GRIK2: variants seen among roughly 807,000 people sequenced by gnomAD.
GRIK2 encodes glutamate ionotropic receptor kainate type subunit 2.
A neutral mutation model predicts 100.3 loss-of-function variants in GRIK2; 32 were observed. The ratio of observed to expected loss-of-function variants is 0.32; its 90% confidence interval spans 0.24 to 0.43. GRIK2 has a LOEUF of 0.43. GRIK2 is among the 20% of genes least tolerant of loss of function. GRIK2 has a pLI of 1.00. For synonymous variants in GRIK2, 417 were observed against 389.4 expected, an observed-to-expected ratio of 1.07 and a Z score of -0.83; for missense variants, 843 against 1,114.9, an observed-to-expected ratio of 0.76 and a Z score of 3.47.
At position 101,462,755 on chromosome 6, in the gene GRIK2, T is replaced by G. The variant is rs530386528; in HGVS notation, c.115+63363T>G. On this transcript the variant is annotated intron_variant, in intron 2 of 16. Coordinates refer to ENST00000369134, the MANE Select transcript of GRIK2 (RefSeq NM_021956.5). The stretch of plus-strand genomic sequence containing the variant: ...AAGCAGGGCTGCTGTCCAAGGGAAC[T>G]GGTAACATTCAGCCCTGATTGCTCA... Among the ~76,000 whole-genome samples the G allele has an allele frequency of 1.7e-4, 26 of 152,244 alleles. No individual in the cohort carries two copies. In the South Asian group the frequency reaches 5.2e-3, roughly 30 times the overall value.
intron 2 of GRIK2, among the ~76,000 whole-genome samples, chr6:101,451,144 T>G (rs999139613): frequency 6.6e-6 from 1 of 151,758 alleles, no homozygotes; most frequent in Non-Finnish European, 1.5e-5. Flanking sequence ...AAACTCCTTA[T>G]CCTGCGGAAA....
intron 16 of GRIK2, among the ~76,000 whole-genome samples, chr6:102,067,138 A>G (rs999791660): frequency 1.3e-5 from 2 of 151,718 alleles, no homozygotes; most frequent in Non-Finnish European, 2.9e-5. Context: ...TTAAGTTAAC[A>G]TATAAAATTG....
chr6:101,692,846 C>T (rs894659476), intron 7 of GRIK2, among the ~76,000 whole-genome samples: 6 of 152,018 alleles, frequency 3.9e-5, no homozygotes, highest in South Asian at 2.1e-4. Context: ...GGCAGAAATA[C>T]TTGTATATTT....
At chr6:101,494,864 G>T (rs910833029) in intron 2 of GRIK2, among the ~76,000 whole-genome samples, 2 of 151,160 alleles carry the variant, frequency 1.3e-5, no homozygotes, top group African/African-American at 2.4e-5. Flanking sequence ...AGACTGGGAG[G>T]TGGAGGTTGT....
chr6:102,010,914 A>C (rs934470574), intron 14 of GRIK2, among the ~76,000 whole-genome samples: 3 of 151,860 alleles, frequency 2.0e-5, no homozygotes, highest in African/African-American at 7.3e-5. Context: ...GGTGTACCTC[A>C]GTTTATTTAT....
intron 2 of GRIK2, among the ~76,000 whole-genome samples, chr6:101,592,590 T>C (rs1244856646): frequency 5.3e-5 from 1 of 18,886 alleles, no homozygotes; most frequent in Admixed American, 3.1e-4. Flanking sequence ...TAATATCACA[T>C]ATATATATAT....
At chr6:101,729,917 T>C (rs774475982) in intron 7 of GRIK2, among the ~76,000 whole-genome samples, 3 of 151,970 alleles carry the variant, frequency 2.0e-5, no homozygotes, top group Non-Finnish European at 4.4e-5. Flanking sequence ...ATATCATAAT[T>C]CTACTAAACA....
chr6:101,791,150 A>G (rs1562388701), intron 7 of GRIK2, among the ~76,000 whole-genome samples: 1 of 152,090 alleles, frequency 6.6e-6, no homozygotes, highest in Admixed American at 6.5e-5. Flanking sequence ...GATCCTTTCA[A>G]AAAACCAGCT....
intron 2 of GRIK2, among the ~76,000 whole-genome samples, chr6:101,553,708 G>A (rs1001781739): frequency 2.0e-5 from 3 of 152,148 alleles, no homozygotes; most frequent in African/African-American, 7.2e-5. Flanking sequence ...GTTATGAAAG[G>A]CAGTGGGGCA....
intron 7 of GRIK2, among the ~76,000 whole-genome samples, chr6:101,716,798 AG>A (rs1774106287): frequency 6.6e-6 from 1 of 151,822 alleles, no homozygotes; most frequent in Non-Finnish European, 1.5e-5. Context: ...CCACAACAAA[AG>A]GTTTAAAGTA....
At position 101,642,568 on chromosome 6, in the gene GRIK2, G is replaced by A. The variant is rs184678068; in HGVS notation, c.541+15931G>A. The stretch of plus-strand genomic sequence containing the variant: ...CGATGTTGCTGTGTTGTAAAGTGTC[G>A]AAATTTTCTTTGTTTTTAAGGCTCA... On this transcript the variant is annotated intron_variant, in intron 4 of 16. Transcript: ENST00000369134. 4.1e-3 allele frequency among the ~76,000 whole-genome samples: 620 copies of A among 151,734 alleles called. 6 individuals are homozygous for A. The highest frequency in any genetic ancestry group is 4.8e-3 in the Non-Finnish European group (323 of 67,684).
chr6:101,404,183 T>C (rs1171035058), intron 2 of GRIK2, among the ~76,000 whole-genome samples: 3 of 152,224 alleles, frequency 2.0e-5, no homozygotes, highest in Non-Finnish European at 4.4e-5. Context: ...CAAGTGATCA[T>C]TACGATGTGT....
At chr6:101,689,886 C>T (rs182753866) in intron 7 of GRIK2, among the ~76,000 whole-genome samples, 7 of 152,238 alleles carry the variant, frequency 4.6e-5, no homozygotes, top group Non-Finnish European at 7.4e-5. Context: ...TAGAGGTGTG[C>T]AAATACCTTT....
intron 14 of GRIK2, among the ~76,000 whole-genome samples, chr6:102,017,587 C>T (rs781775693): frequency 6.6e-6 from 1 of 152,124 alleles, no homozygotes; most frequent in Non-Finnish European, 1.5e-5. Flanking sequence ...GAGGACAATG[C>T]CCAGGCATTA....
rs1049934499 is a variant in GRIK2, at chr6:102,068,401, C to A, written c.2617C>A (p.Arg873Ser). The change falls in exon 17 of 17, where the codon CGT (arginine) becomes AGT (serine). Residue 873 changes from arginine to serine, a missense_variant. By Grantham distance (110) the Arg-to-Ser change is moderately radical. This residue lies in a region of GRIK2 where 87 missense variants were observed against 83.2 expected (regional missense o/e 1.05). Coordinates refer to ENST00000369134, the MANE Select transcript of GRIK2 (RefSeq NM_021956.5). ...EELRMSLKCQ[R>S]RLKHKPQAPV... ...ATTGAGGATGTCCCTGAAGTGCCAG[C>A]GTCGGTTAAAACATAAGCCACAGGC... 1.9e-6 allele frequency: 3 copies of A among 1,611,654 alleles called. No homozygotes were observed. Among genetic ancestry groups the A allele is most frequent in the African/African-American group, 2.7e-5 (2 of 74,840 alleles).
At chr6:102,017,892 A>C (rs1185563822) in intron 14 of GRIK2, among the ~76,000 whole-genome samples, 1 of 152,268 alleles carries the variant, frequency 6.6e-6, no homozygotes, top group South Asian at 2.1e-4. Context: ...TAGAATTTCT[A>C]TCCCTCTGCT....
chr6:101,958,067 A>G (rs1792052218), intron 14 of GRIK2, among the ~76,000 whole-genome samples: 1 of 151,946 alleles, frequency 6.6e-6, no homozygotes, highest in Non-Finnish European at 1.5e-5. Flanking sequence ...GAAAAATTAT[A>G]TAAATTGCAT....
At chr6:101,962,469 G>A (rs1052724843) in intron 14 of GRIK2, among the ~76,000 whole-genome samples, 3 of 152,114 alleles carry the variant, frequency 2.0e-5, no homozygotes, top group African/African-American at 4.8e-5. Context: ...CTACCTTGGA[G>A]TACCATGTGT....
intron 2 of GRIK2, among the ~76,000 whole-genome samples, chr6:101,548,427 TTTC>T (rs1175875014): frequency 6.6e-6 from 1 of 152,180 alleles, no homozygotes; most frequent in African/African-American, 2.4e-5. Flanking sequence ...ATGCCTAGGT[TTTC>T]TTCTAGAGTT....
Sources: allele counts gnomAD v4.1 joint callset (sites outside exome capture counted in the v4.1 genomes callset), GRCh38; gene constraint gnomAD v4.1.1; regional missense constraint gnomAD v4.1.1; transcripts MANE v1.5; gene names NCBI Gene and HGNC (gene_info 2026-07-23, HGNC 2026-07-21).